PAPSS1: variants seen among roughly 807,000 people sequenced by gnomAD.
PAPSS1 encodes 3'-phosphoadenosine 5'-phosphosulfate synthase 1, also known as bifunctional 3'-phosphoadenosine 5'-phosphosulfate synthase 1.
PAPSS1 carries 50 observed loss-of-function variants against 72.0 expected under a neutral mutation model. That is an observed-to-expected ratio of 0.69 (90% CI 0.55 to 0.88). PAPSS1 has a LOEUF of 0.88. Ranked by LOEUF, PAPSS1 falls within the 40% of genes least tolerant of loss-of-function variation. The pLI is 0.00. For synonymous variants in PAPSS1, 261 were observed against 263.6 expected (o/e 0.99, Z 0.09); for missense variants, 657 against 782.2 (o/e 0.84, Z 1.91).
chr4:107,621,986 A>G (rs551232207), intron 11 of PAPSS1, among the ~76,000 whole-genome samples: 1 of 152,166 alleles, frequency 6.6e-6, no homozygotes, highest in South Asian at 2.1e-4. Flanking sequence ...CTTCCACTGG[A>G]GGACATCAAG....
chr4:107,702,212 A>G (rs1723222919), intron 1 of PAPSS1, among the ~76,000 whole-genome samples: 1 of 152,222 alleles, frequency 6.6e-6, no homozygotes, highest in Non-Finnish European at 1.5e-5. Context: ...AAATATTGGA[A>G]TCCTCATATA....
At chr4:107,714,008 C>A (rs1203377355) in intron 1 of PAPSS1, among the ~76,000 whole-genome samples, 1 of 152,100 alleles carries the variant, frequency 6.6e-6, no homozygotes, top group African/African-American at 2.4e-5. Context: ...GATTTCTCTC[C>A]TTGATCAAAC....
chr4:107,643,162 C>T (rs543197433), intron 10 of PAPSS1, among the ~76,000 whole-genome samples: 2 of 152,226 alleles, frequency 1.3e-5, no homozygotes, highest in African/African-American at 2.4e-5. Flanking sequence ...AAGCCAGACA[C>T]GAAAGAGTAT....
intron 5 of PAPSS1, among the ~76,000 whole-genome samples, chr4:107,666,076 A>C (rs1489658844): frequency 6.6e-6 from 1 of 152,216 alleles, no homozygotes; most frequent in African/African-American, 2.4e-5. Context: ...CATGCATCCA[A>C]AGCATGAACA....
At chr4:107,673,635 C>A (rs1465238744) in intron 5 of PAPSS1, among the ~76,000 whole-genome samples, 1 of 152,012 alleles carries the variant, frequency 6.6e-6, no homozygotes, top group Non-Finnish European at 1.5e-5. Context: ...AGGATATTAT[C>A]CAGGAGAACT....
chr4:107,673,623 G>A (rs1314960639), intron 5 of PAPSS1, among the ~76,000 whole-genome samples: 1 of 152,112 alleles, frequency 6.6e-6, no homozygotes, highest in African/African-American at 2.4e-5. Context: ...ATGACACTCT[G>A]CAGGATATTA....
chr4:107,619,885 G>A (rs1035869985), intron 11 of PAPSS1, among the ~76,000 whole-genome samples: 5 of 152,092 alleles, frequency 3.3e-5, no homozygotes, highest in Non-Finnish European at 5.9e-5. Flanking sequence ...GCAAGGAGGG[G>A]AAAAAAACCC....
chr4:107,661,436 C>A (rs953342082), intron 5 of PAPSS1, among the ~76,000 whole-genome samples: 2 of 152,140 alleles, frequency 1.3e-5, no homozygotes, highest in Non-Finnish European at 2.9e-5. Flanking sequence ...AAGTTGACAG[C>A]CACAATGTGT....
At chr4:107,712,155 T>C (rs1395748682) in intron 1 of PAPSS1, among the ~76,000 whole-genome samples, 1 of 152,200 alleles carries the variant, frequency 6.6e-6, no homozygotes, top group Non-Finnish European at 1.5e-5. Context: ...GTACCTTTAA[T>C]GGAAGGGCCC....
chr4:107,697,213 C>T (rs897792678), intron 2 of PAPSS1, among the ~76,000 whole-genome samples: 1 of 152,254 alleles, frequency 6.6e-6, no homozygotes, highest in African/African-American at 2.4e-5. Context: ...GCTGAAACTT[C>T]AGATGACTGT....
rs1489438281 is a variant in PAPSS1 at position 107,693,668 on chromosome 4, A to C, written c.411+103T>G. 4.0e-6 allele frequency: 3 copies of C among 744,234 alleles called. No homozygotes were observed. In the Admixed American group the frequency reaches 6.4e-5, roughly 16 times the overall value. 46.1% of individuals were successfully genotyped at this position (744,234 alleles called of 1,614,324 possible). On this transcript the variant is annotated intron_variant, in intron 3 of 11. Transcript: ENST00000265174. ...AGAGATGGTAGCTGGGGAGGAGTAGAGTTAGCCTCAAAGCACATATCAATG... is the reference window on the plus strand; with the variant it reads ...AGAGATGGTAGCTGGGGAGGAGTAGCGTTAGCCTCAAAGCACATATCAATG...
intron 5 of PAPSS1, among the ~76,000 whole-genome samples, chr4:107,676,430 C>T (rs1727651760): frequency 6.6e-6 from 1 of 152,138 alleles, no homozygotes. Flanking sequence ...AACTCCCATT[C>T]ACAATGGCTT....
Position 107,644,928 on chromosome 4 carries a change from A to G in PAPSS1, c.1380T>C (p.Asp460=). 1.2e-6 allele frequency: 2 copies of G among 1,614,096 alleles called. No homozygotes were observed. The highest frequency in any genetic ancestry group is 2.7e-5 in the African/African-American group (2 of 75,046). ...TACGCCACATCAAAGGAACATCGTC[A>G]TCCTTTGTCCAGCCACCCAGAGGGT... is the stretch of plus-strand genomic sequence containing the variant. ...LLHPLGGWTK[D]DDVPLMWRMK... The change falls in exon 10 of 12, where the codon GAT becomes GAC. Residue 460 remains aspartate (D), a synonymous_variant. Transcript: ENST00000265174.
At chr4:107,670,286 T>C (rs1727433996) in intron 5 of PAPSS1, among the ~76,000 whole-genome samples, 1 of 152,146 alleles carries the variant, frequency 6.6e-6, no homozygotes, top group South Asian at 2.1e-4. Context: ...GCAAGCATAA[T>C]ACAGATTAGT....
intron 5 of PAPSS1, among the ~76,000 whole-genome samples, chr4:107,667,504 T>C (rs1439882105): frequency 1.3e-5 from 2 of 152,104 alleles, no homozygotes; most frequent in Non-Finnish European, 2.9e-5. Context: ...GGGCAGTGTA[T>C]AGGAGTGAGC....
intron 1 of PAPSS1, among the ~76,000 whole-genome samples, chr4:107,710,660 G>A (rs1456591023): frequency 1.3e-5 from 2 of 152,176 alleles, no homozygotes; most frequent in Non-Finnish European, 2.9e-5. Flanking sequence ...TGTCTTGACT[G>A]CTTAGTCCAG....
At position 107,650,062 on chromosome 4, in the gene PAPSS1, C is replaced by T. The variant is rs144552721; in HGVS notation, c.1237+3429G>A. ...GATAGTGCTGTGCACAGGACAATAG[C>T]TCACATGGGGTAATCAAAGTACTTC... On this transcript the variant is annotated intron_variant, in intron 9 of 11. Transcript: ENST00000265174. Among the ~76,000 whole-genome samples the T allele has an allele frequency of 2.8e-3, 434 of 152,282 alleles. 2 individuals are homozygous for T. The highest frequency in any genetic ancestry group is 9.7e-3 in the African/African-American group (405 of 41,554).
chr4:107,717,438 A>C (rs1723668521), intron 1 of PAPSS1, among the ~76,000 whole-genome samples: 1 of 152,162 alleles, frequency 6.6e-6, no homozygotes. Context: ...GTAAGAGCTA[A>C]CTCTAATTGT....
intron 5 of PAPSS1, among the ~76,000 whole-genome samples, chr4:107,660,930 G>T (rs891058088): frequency 1.3e-5 from 2 of 151,978 alleles, no homozygotes; most frequent in Admixed American, 1.3e-4. Flanking sequence ...AAGCCAGACT[G>T]GGAGAAAAAT....
Sources: allele counts gnomAD v4.1 joint callset (sites outside exome capture counted in the v4.1 genomes callset), GRCh38; gene constraint gnomAD v4.1.1; transcripts MANE v1.5; gene names NCBI Gene and HGNC (gene_info 2026-07-23, HGNC 2026-07-21).